SYBU: variants seen among roughly 807,000 people sequenced by gnomAD.
The protein encoded by SYBU is syntabulin.
SYBU carries 21 observed loss-of-function variants against 35.9 expected under a neutral mutation model. That is an observed-to-expected ratio of 0.58 (90% CI 0.41 to 0.84). SYBU has a LOEUF of 0.84. Among genes scored for constraint, SYBU ranks in the 40% least tolerant of loss-of-function variants. SYBU has a pLI of 0.00. For missense variants in SYBU, 768 were observed against 848.2 expected, an observed-to-expected ratio of 0.91 and a Z score of 1.17; for synonymous variants, 319 against 324.3, an observed-to-expected ratio of 0.98 and a Z score of 0.18.
Position 109,576,014 on chromosome 8 carries a change from C to G in SYBU, c.885-1G>C. The G allele has an allele frequency of 1.3e-6, 2 of 1,544,428 alleles. No individual in the cohort carries two copies. Among genetic ancestry groups the G allele is most frequent in the African/African-American group, 2.9e-5 (2 of 69,214 alleles). On this transcript the variant is annotated splice_acceptor_variant, in intron 6 of 6. Transcript: ENST00000276646. LOFTEE classifies it high-confidence loss of function. The stretch of plus-strand genomic sequence containing the variant: ...CTTAAGCTCCACGATTTCACTTTCC[C>G]TAGAGTGCCAAGACAAGCATGGTTA...
chr8:109,618,815 G>A (rs368999865), intron 3 of SYBU, 27 bp downstream of exon 3: 91 of 1,606,542 alleles, frequency 5.7e-5, no homozygotes, highest in Non-Finnish European at 7.6e-5. Context: ...TTGTTCTGAT[G>A]AAAACATGAC....
chr8:109,600,220 T>A (rs753429749), intron 3 of SYBU, among the ~76,000 whole-genome samples: 3 of 152,246 alleles, frequency 2.0e-5, no homozygotes, highest in Non-Finnish European at 4.4e-5. Context: ...TGAAATGTTA[T>A]TTCACAGCAT....
intron 2 of SYBU, among the ~76,000 whole-genome samples, chr8:109,634,135 A>T (rs1368408834): frequency 6.6e-6 from 1 of 152,150 alleles, no homozygotes. Context: ...ACTGCTCCCT[A>T]AATATTCCCT....
intron 1 of SYBU, among the ~76,000 whole-genome samples, chr8:109,652,738 A>C (rs951071098): frequency 6.6e-6 from 1 of 152,224 alleles, no homozygotes; most frequent in African/African-American, 2.4e-5. Context: ...GAAAACTTTC[A>C]AAATATACGG....
chr8:109,607,211 T>C (rs1563715519), intron 3 of SYBU, among the ~76,000 whole-genome samples: 1 of 152,338 alleles, frequency 6.6e-6, no homozygotes, highest in African/African-American at 2.4e-5. Context: ...TCTTGGAATG[T>C]ACAGTAAAGA....
At chr8:109,674,865 T>TA (rs1314950706) in intron 1 of SYBU, among the ~76,000 whole-genome samples, 5 of 152,146 alleles carry the variant, frequency 3.3e-5, no homozygotes, top group Non-Finnish European at 7.3e-5. Context: ...ATATCACACT[T>TA]ATTCTAATAT....
At chr8:109,615,713 G>C (rs190714560) in intron 3 of SYBU, among the ~76,000 whole-genome samples, 1 of 152,236 alleles carries the variant, frequency 6.6e-6, no homozygotes, top group East Asian at 1.9e-4. Flanking sequence ...AATTACATTA[G>C]AAGCAGTTGA....
At chr8:109,637,982 T>TA (rs527363714) in intron 2 of SYBU, among the ~76,000 whole-genome samples, 3 of 152,174 alleles carry the variant, frequency 2.0e-5, no homozygotes, top group Non-Finnish European at 4.4e-5. Context: ...TTTGACCATT[T>TA]AAAAAAATTG....
rs1196717964 is a variant in SYBU, at chr8:109,574,010, AATG to A, written c.*893_*895del. On this transcript the variant is annotated 3_prime_UTR_variant, in exon 7 of 7. Coordinates refer to ENST00000276646, the MANE Select transcript of SYBU (RefSeq NM_001099754.2). ...GTAAACAAATCTACTTTTATTCAGA[AATG>A]ATGCTTTTTAAGTAAGGGTAGGAAA... is the stretch of plus-strand genomic sequence containing the variant. 3 of 152,210 alleles carry A rather than the reference AATG, an allele frequency of 2.0e-5. No homozygotes were observed. The highest frequency in any genetic ancestry group is 4.4e-5 in the Non-Finnish European group (3 of 68,034). The allele number at this position is 152,210 out of a possible 1,614,324, so 9.4% of individuals were successfully genotyped here. A position where few individuals can be genotyped will look rare whatever the true frequency, so the allele number is the denominator to read the frequency against.
intron 2 of SYBU, among the ~76,000 whole-genome samples, chr8:109,624,670 T>C (rs1038339240): frequency 2.6e-5 from 4 of 152,194 alleles, no homozygotes; most frequent in Non-Finnish European, 4.4e-5. Flanking sequence ...TGAAGAATTC[T>C]TGCCACACAC....
chr8:109,675,960 C>A (rs1817174181), intron 1 of SYBU, among the ~76,000 whole-genome samples: 1 of 152,148 alleles, frequency 6.6e-6, no homozygotes, highest in South Asian at 2.1e-4. Flanking sequence ...TTGGTTTCAT[C>A]CCTGGGATGC....
At chr8:109,602,810 T>C (rs1403894588) in intron 3 of SYBU, among the ~76,000 whole-genome samples, 1 of 152,112 alleles carries the variant, frequency 6.6e-6, no homozygotes, top group Admixed American at 6.5e-5. Flanking sequence ...CTGGCATCTG[T>C]AGGGAGTGTG....
intron 3 of SYBU, chr8:109,608,018 T>A: frequency 6.8e-7 from 1 of 1,480,040 alleles, no homozygotes; most frequent in Non-Finnish European, 9.1e-7. Flanking sequence ...GTGCAGCTCA[T>A]ATCTCAGTAG....
chr8:109,685,515 A>G (rs896298933), upstream of SYBU, among the ~76,000 whole-genome samples: 1 of 152,242 alleles, frequency 6.6e-6, no homozygotes, highest in African/African-American at 2.4e-5. Flanking sequence ...TAAAAAATCA[A>G]ACAGGTCCGG....
At chr8:109,668,590 G>A (rs1816854293) in intron 1 of SYBU, among the ~76,000 whole-genome samples, 1 of 152,072 alleles carries the variant, frequency 6.6e-6, no homozygotes, top group South Asian at 2.1e-4. Flanking sequence ...ATTTTGAGGG[G>A]ATGTCACCAC....
At chr8:109,616,006 CTTTT>C (rs35120699) in intron 3 of SYBU, among the ~76,000 whole-genome samples, 2 of 67,780 alleles carry the variant, frequency 3.0e-5, no homozygotes, top group Admixed American at 1.8e-4. Flanking sequence ...TCTTTTCTTT[CTTTT>C]TTTTTTTTTT....
intron 3 of SYBU, among the ~76,000 whole-genome samples, chr8:109,602,592 C>G (rs896583517): frequency 6.6e-6 from 1 of 151,904 alleles, no homozygotes; most frequent in Non-Finnish European, 1.5e-5. Context: ...TGCCACCACA[C>G]CCGGTTAATT....
intron 1 of SYBU, among the ~76,000 whole-genome samples, chr8:109,656,941 G>T (rs920578246): frequency 7.9e-5 from 12 of 152,020 alleles, no homozygotes; most frequent in Non-Finnish European, 1.2e-4. Context: ...TTAATATAGA[G>T]AAATTATATT....
chr8:109,576,210 C>G (rs1020982410), intron 6 of SYBU, among the ~76,000 whole-genome samples, 197 bp from the exon 7 acceptor site: 2 of 152,164 alleles, frequency 1.3e-5, no homozygotes, highest in African/African-American at 4.8e-5. Flanking sequence ...AGAAAACACT[C>G]CAGCCTAAAC....
Sources: allele counts gnomAD v4.1 joint callset (sites outside exome capture counted in the v4.1 genomes callset), GRCh38; gene constraint gnomAD v4.1.1; transcripts MANE v1.5; gene names NCBI Gene and HGNC (gene_info 2026-07-23, HGNC 2026-07-21).